The following ZMYM4 variants were observed in gnomAD, a reference collection of about 807,000 sequenced individuals.
ZMYM4 encodes the protein zinc finger MYM-type containing 4, also known as zinc finger MYM-type protein 4.
In ZMYM4, 31 loss-of-function variants were observed where a neutral mutation model predicts 183.2. The ratio of observed to expected loss-of-function variants is 0.17; its 90% CI spans 0.13 to 0.23. ZMYM4 has a LOEUF of 0.23. Among genes scored for constraint, ZMYM4 ranks in the 10% least tolerant of loss-of-function variants. The pLI, the probability that ZMYM4 is intolerant of heterozygous loss-of-function variation, is 1.00. For missense variants in ZMYM4, 1,273 were observed against 1,840.3 expected, an observed-to-expected ratio of 0.69 and a Z score of 5.64; for synonymous variants, 592 against 631.2, an observed-to-expected ratio of 0.94 and a Z score of 0.93.
chr1:35,379,544 C>G (rs1044404398), intron 7 of ZMYM4, among the ~76,000 whole-genome samples: 1 of 152,260 alleles, frequency 6.6e-6, no homozygotes. Context: ...CCAACTGTTG[C>G]GCTTTCTTAT....
intron 1 of ZMYM4, among the ~76,000 whole-genome samples, chr1:35,283,326 CTTTTTTTTTTTTTTTTTT>C (rs201360397): frequency 3.5e-5 from 2 of 56,770 alleles, no homozygotes; most frequent in East Asian, 2.8e-4. Context: ...GAAGTGGTAT[CTTTTTTTTTTTTTTTTTT>C]TTTTTTTTTT....
intron 23 of ZMYM4, among the ~76,000 whole-genome samples, chr1:35,400,985 A>G (rs1353860142): frequency 2.0e-5 from 3 of 152,234 alleles, no homozygotes; most frequent in Non-Finnish European, 4.4e-5. Context: ...CATTACATGG[A>G]CAAACTACAA....
intron 1 of ZMYM4, among the ~76,000 whole-genome samples, chr1:35,295,420 G>A (rs1640957921): frequency 6.6e-6 from 1 of 152,200 alleles, no homozygotes; most frequent in South Asian, 2.1e-4. Context: ...GAGTGAGCAA[G>A]GTGGTGAATA....
chr1:35,278,997 A>G (rs1640012517), intron 1 of ZMYM4, among the ~76,000 whole-genome samples: 1 of 152,190 alleles, frequency 6.6e-6, no homozygotes, highest in African/African-American at 2.4e-5. Context: ...AGCAAGTTCA[A>G]AACTCAGCAG....
At chr1:35,369,966 C>A in intron 5 of ZMYM4, 63 bp from the exon 6 acceptor site, 1 of 1,213,364 alleles carries the variant, frequency 8.2e-7, no homozygotes, top group Non-Finnish European at 1.2e-6. Context: ...TCTTGAATGT[C>A]TGGATGTCTT....
Position 35,332,886 on chromosome 1 carries a change from G to A in ZMYM4, c.85+7481G>A, listed in dbSNP as rs539568968. ...ATTTGTATATTTTTTTTGTAGAAAT[G>A]GGTCTTGGCTATGTTGCCCATGCTG... On this transcript the variant is annotated intron_variant, in intron 2 of 29. Coordinates refer to ENST00000314607, the MANE Select transcript of ZMYM4 (RefSeq NM_005095.3). Among the ~76,000 whole-genome samples, 8 of 152,084 alleles carry A rather than the reference G, an allele frequency of 5.3e-5. No individual in the cohort carries two copies. The South Asian group carries it at 1.7e-3, about 32-fold the overall frequency.
At position 35,421,039 on chromosome 1, in the gene ZMYM4, C is replaced by G. The variant is rs1382440277; in HGVS notation, c.*1362C>G. On this transcript the variant is annotated 3_prime_UTR_variant, in exon 30 of 30. Transcript: ENST00000314607. ...AAGCTTTTATGACGTTTGCCAATTG[C>G]AGAACTTCTTCAGCTAAGGTTAATT... 2.0e-5 allele frequency: 3 copies of G among 152,282 alleles called. No individual in the cohort carries two copies. Among genetic ancestry groups the G allele is most frequent in the Admixed American group, 2.0e-4 (3 of 15,268 alleles). 9.4% of individuals were successfully genotyped at this position (152,282 alleles called of 1,614,324 possible).
intron 1 of ZMYM4, among the ~76,000 whole-genome samples, chr1:35,285,028 C>G (rs1367465584): frequency 1.3e-5 from 2 of 152,034 alleles, no homozygotes; most frequent in Non-Finnish European, 2.9e-5. Context: ...CAGTTCTGTT[C>G]TATTTGTCTA....
chr1:35,401,645 A>G (rs986833030), intron 23 of ZMYM4, among the ~76,000 whole-genome samples: 1 of 152,106 alleles, frequency 6.6e-6, no homozygotes, highest in Non-Finnish European at 1.5e-5. Flanking sequence ...TTGTTATTTT[A>G]TGGATTGTGC....
chr1:35,323,199 G>T (rs547283809), intron 1 of ZMYM4, among the ~76,000 whole-genome samples: 2 of 149,846 alleles, frequency 1.3e-5, no homozygotes, highest in Admixed American at 6.6e-5. Flanking sequence ...ATGGGTTTTT[G>T]CCATGTTGGC....
chr1:35,351,472 T>C, intron 2 of ZMYM4: 1 of 1,565,344 alleles, frequency 6.4e-7, no homozygotes, highest in Non-Finnish European at 8.7e-7. Context: ...GAGAATCCAG[T>C]CTATGAAAAG....
intron 2 of ZMYM4, among the ~76,000 whole-genome samples, chr1:35,333,919 T>C (rs1642863928): frequency 6.6e-6 from 1 of 152,114 alleles, no homozygotes; most frequent in African/African-American, 2.4e-5. Flanking sequence ...TTATGTCGTT[T>C]AAGGTTTTTT....
chr1:35,283,098 T>C (rs1640272850), intron 1 of ZMYM4, among the ~76,000 whole-genome samples: 1 of 141,968 alleles, frequency 7.0e-6, no homozygotes, highest in Admixed American at 7.2e-5. Context: ...CTTCACCTTC[T>C]GGGTTCAGGT....
chr1:35,389,113 A>T lies in ZMYM4; in HGVS notation c.2436+31A>T, dbSNP rs772751988. On this transcript the variant is annotated intron_variant, in intron 14 of 29. Coordinates refer to ENST00000314607, the MANE Select transcript of ZMYM4 (RefSeq NM_005095.3). The surrounding 1 kb of genome is among the most constrained non-coding windows in gnomAD (Gnocchi z 4.0). ...TAGAATTCACATTCCTGGGTTTTTC[A>T]TTCTAGGGCATAAATTATTCCCTTT... 6.3e-7 allele frequency: 1 copy of T among 1,575,648 alleles called. No homozygotes were observed. The highest frequency in any genetic ancestry group is 1.2e-5 in the South Asian group (1 of 85,382).
Position 35,396,642 on chromosome 1 carries a change from C to T in ZMYM4, c.3002C>T (p.Ala1001Val). ...CCTCTTCACCTTTATACTCAATATG[C>T]TCCAGTCCCATTTGGAATTCCAGTT... ...PIPLHLYTQY[A>V]PVPFGIPVPM... The change falls in exon 19 of 30, where the codon GCT becomes GTT. Residue 1001 changes from alanine (A) to valine (V), a missense_variant. Physicochemically the swap from Ala to Val is moderately conservative, Grantham distance 64 (BLOSUM62 0). Coordinates refer to ENST00000314607, the MANE Select transcript of ZMYM4 (RefSeq NM_005095.3). 1 of 1,613,438 alleles carries T rather than the reference C, an allele frequency of 6.2e-7. No individual in the cohort carries two copies. The highest frequency in any genetic ancestry group is 8.5e-7 in the Non-Finnish European group (1 of 1,179,604).
chr1:35,273,013 C>T (rs944765843), intron 1 of ZMYM4, among the ~76,000 whole-genome samples: 7 of 152,110 alleles, frequency 4.6e-5, no homozygotes, highest in Admixed American at 2.0e-4. Context: ...CACGCCCAGC[C>T]GGTGACTGCA....
intron 9 of ZMYM4, among the ~76,000 whole-genome samples, chr1:35,384,841 C>CTTTTTTT (rs748891728): frequency 7.1e-4 from 91 of 127,340 alleles, no homozygotes; most frequent in African/African-American, 1.5e-3. Context: ...TTTTCTTTTT[C>CTTTTTTT]TTTTTTTTTT....
At chr1:35,335,306 GGCTCA>G (rs1642926001) in intron 2 of ZMYM4, among the ~76,000 whole-genome samples, 1 of 151,154 alleles carries the variant, frequency 6.6e-6, no homozygotes, top group African/African-American at 2.4e-5. Context: ...ACGCGATCTC[GGCTCA>G]CTGCGATCTC....
rs527276584 is a variant in ZMYM4 at position 35,418,497 on chromosome 1, G to A, written c.4364G>A (p.Gly1455Glu). 5.0e-6 allele frequency: 8 copies of A among 1,613,968 alleles called. No individual in the cohort carries two copies. In the South Asian group the frequency reaches 7.7e-5, roughly 16 times the overall value. ...AATGAAGATGATGAGGTTCCAGTGG[G>A]GGTGGAGATGGCAGAGAATACTGAC... ...KRNEDDEVPV[G>E]VEMAENTDNP... Residue 1455 changes from glycine (G) to glutamate (E), a missense_variant, in exon 29 of 30, where the codon GGG becomes GAG. By Grantham distance (98) the Gly-to-Glu change is moderately conservative (BLOSUM62 -2). Transcript: ENST00000314607.
Sources: gnomAD v4.1 joint callset for allele counts (sites outside exome capture counted in the v4.1 genomes callset) on GRCh38, gnomAD v4.1.1 for gene constraint, Gnocchi (gnomAD v3.1) non-coding constraint, MANE v1.5 for transcripts, NCBI Gene and HGNC (gene_info 2026-07-23, HGNC 2026-07-21) for gene names.